NUP210: variants seen among roughly 807,000 people sequenced by gnomAD.
NUP210 encodes the protein nuclear pore membrane glycoprotein 210.
NUP210 carries 151 observed loss-of-function variants against 196.0 expected under a neutral mutation model. The observed-to-expected ratio is 0.77, with a 90% confidence interval of 0.67 to 0.88. The LOEUF (loss-of-function observed/expected upper bound fraction) is 0.88. Among genes scored for constraint, NUP210 ranks in the 40% least tolerant of loss-of-function variants. The probability of loss-of-function intolerance (pLI) is 0.00; values close to 1 mark genes in which losing one functional copy is unlikely to be tolerated. For synonymous variants in NUP210, 1,070 were observed against 1,052.7 expected, an observed-to-expected ratio of 1.02 and a Z score of -0.32; for missense variants, 2,314 against 2,493.7, an observed-to-expected ratio of 0.93 and a Z score of 1.53.
chr3:13,403,474 G>A (rs539925569), intron 1 of NUP210, among the ~76,000 whole-genome samples: 63 of 152,246 alleles, frequency 4.1e-4, no homozygotes, highest in Middle Eastern at 3.4e-3. Flanking sequence ...AAATGCCATC[G>A]CCTTGGGGAT....
intron 20 of NUP210, 117 bp downstream of exon 20, chr3:13,351,762 T>C: frequency 1.4e-6 from 1 of 711,986 alleles, no homozygotes; most frequent in Non-Finnish European, 2.4e-6. Context: ...CCTCCCAAAG[T>C]TCTGGGATTC....
At chr3:13,388,098 G>T (rs1699345739) in intron 5 of NUP210, among the ~76,000 whole-genome samples, 1 of 152,134 alleles carries the variant, frequency 6.6e-6, no homozygotes, top group African/African-American at 2.4e-5. Context: ...GCTTTCTGGG[G>T]CCTCAACCAC....
At chr3:13,405,480 C>T (rs1194639994) in intron 1 of NUP210, among the ~76,000 whole-genome samples, 1 of 152,072 alleles carries the variant, frequency 6.6e-6, no homozygotes, top group Non-Finnish European at 1.5e-5. Flanking sequence ...TACTAAACCT[C>T]TCATATACAT....
rs201460631 is a variant in NUP210 at position 13,339,841 on chromosome 3, G to C, written c.3471+13C>G. The C allele has an allele frequency of 2.0e-4, 319 of 1,605,630 alleles. No homozygotes were observed. The highest frequency in any genetic ancestry group is 1.7e-3 in the African/African-American group (124 of 74,956). ...AGGCACAGCTGCCCAGTCTCCAATA[G>C]CACGCCTGTTACCTGAGAGATGATG... On this transcript the variant is annotated intron_variant, in intron 25 of 39. Transcript: ENST00000254508.
At chr3:13,366,901 G>A (rs1698558704) in intron 13 of NUP210, among the ~76,000 whole-genome samples, 1 of 151,804 alleles carries the variant, frequency 6.6e-6, no homozygotes, top group African/African-American at 2.4e-5. Flanking sequence ...GAGATGGGCG[G>A]ATCACCTGAG....
At chr3:13,337,050 G>T in intron 26 of NUP210, 132 bp from the exon 27 acceptor site, 2 of 1,149,846 alleles carry the variant, frequency 1.7e-6, no homozygotes, top group Non-Finnish European at 2.5e-6. Context: ...GCATGGCACA[G>T]GTTTGGGAAT....
At chr3:13,388,723 C>T (rs1053442432) in intron 4 of NUP210, among the ~76,000 whole-genome samples, 2 of 152,228 alleles carry the variant, frequency 1.3e-5, no homozygotes, top group South Asian at 2.1e-4. Context: ...TTTATCCACA[C>T]GCACACGTGA....
At chr3:13,318,995 G>A in intron 39 of NUP210, 77 bp downstream of exon 39, 3 of 1,384,744 alleles carry the variant, frequency 2.2e-6, no homozygotes, top group Non-Finnish European at 2.9e-6. Context: ...TAGGGTTCAG[G>A]AGCCTCGACC....
At chr3:13,384,160 A>T (rs1028524068) in intron 6 of NUP210, among the ~76,000 whole-genome samples, 3 of 151,362 alleles carry the variant, frequency 2.0e-5, no homozygotes, top group African/African-American at 7.3e-5. Context: ...GCGGGGTTTC[A>T]CCATGTTGGT....
rs544415005 is a variant in NUP210 at position 13,348,782 on chromosome 3, C to G, written c.2835+3097G>C. 3.0e-6 allele frequency: 3 copies of G among 985,258 alleles called. No individual in the cohort carries two copies. The highest frequency in any genetic ancestry group is 1.7e-5 in the African/African-American group (1 of 57,208). The allele number at this position is 985,258 out of a possible 1,614,324, so 61.0% of individuals were successfully genotyped here. ...AACAGGAACAGTGGGACTCCCTCCC[C>G]CTCCTTGAGGCACGGCGCTGAGAAA... On this transcript the variant is annotated intron_variant, in intron 20 of 39. Coordinates refer to ENST00000254508, the MANE Select transcript of NUP210 (RefSeq NM_024923.4). This position sits in a 1 kb window ranked among gnomAD's most constrained non-coding sequence, Gnocchi z 4.0.
At chr3:13,325,970 C>A (rs376283600) in intron 32 of NUP210, 39 bp from the exon 33 acceptor site, 2 of 1,607,438 alleles carry the variant, frequency 1.2e-6, no homozygotes, top group Middle Eastern at 1.8e-4. Flanking sequence ...CTTTCCATAG[C>A]TGGACACTCC....
At chr3:13,355,250 G>T (rs1245951272) in intron 16 of NUP210, among the ~76,000 whole-genome samples, 3 of 152,188 alleles carry the variant, frequency 2.0e-5, no homozygotes, top group African/African-American at 7.2e-5. Context: ...GGATCCTGCA[G>T]GAAGAACTAC....
chr3:13,392,058 C>T (rs1463303994), intron 3 of NUP210, among the ~76,000 whole-genome samples: 1 of 152,184 alleles, frequency 6.6e-6, no homozygotes, highest in Non-Finnish European at 1.5e-5. Flanking sequence ...ACACTCCTCA[C>T]CAGCCCCTGA....
intron 14 of NUP210, among the ~76,000 whole-genome samples, chr3:13,362,681 A>G (rs1477393986): frequency 1.3e-5 from 2 of 152,212 alleles, no homozygotes; most frequent in African/African-American, 4.8e-5. Flanking sequence ...GTGCTCACAC[A>G]CAAACAATTC....
intron 4 of NUP210, 93 bp downstream of exon 4, chr3:13,391,118 C>A (rs1289712284): frequency 2.4e-6 from 2 of 839,824 alleles, no homozygotes; most frequent in Non-Finnish European, 4.0e-6. Flanking sequence ...CCTCAATGAC[C>A]CAGATGAAAG....
intron 15 of NUP210, 46 bp from the exon 16 acceptor site, chr3:13,358,441 A>G (rs767788062): frequency 1.2e-5 from 18 of 1,549,462 alleles, no homozygotes; most frequent in Non-Finnish European, 1.6e-5. Flanking sequence ...TTGAGTTCTC[A>G]CTCCTCTCTG....
intron 29 of NUP210, among the ~76,000 whole-genome samples, chr3:13,331,219 G>A (rs1194247097): frequency 6.6e-6 from 1 of 152,126 alleles, no homozygotes; most frequent in Non-Finnish European, 1.5e-5. Context: ...TAAGAAAACT[G>A]TTAGCAAACT....
intron 10 of NUP210, 138 bp from the exon 11 acceptor site, chr3:13,375,779 A>G: frequency 2.3e-6 from 2 of 866,700 alleles, no homozygotes; most frequent in Non-Finnish European, 3.6e-6. Context: ...GGAAGGTGCC[A>G]GACACCCTGC....
At chr3:13,401,127 C>T (rs974195247) in intron 1 of NUP210, among the ~76,000 whole-genome samples, 35 of 151,818 alleles carry the variant, frequency 2.3e-4, no homozygotes, top group South Asian at 8.4e-4. Context: ...GGCTTGGTGG[C>T]AGGTACCTGT....
Sources: gnomAD v4.1 joint callset for allele counts (sites outside exome capture counted in the v4.1 genomes callset) on GRCh38, gnomAD v4.1.1 for gene constraint, Gnocchi (gnomAD v3.1) non-coding constraint, MANE v1.5 for transcripts, NCBI Gene and HGNC (gene_info 2026-07-23, HGNC 2026-07-21) for gene names.